TBC1D4: variants seen among roughly 807,000 people sequenced by gnomAD.
The protein encoded by TBC1D4 is TBC1 domain family member 4.
A neutral mutation model predicts 142.5 loss-of-function variants in TBC1D4; 121 were observed. The observed-to-expected ratio is 0.85, with a 90% CI of 0.73 to 0.99. TBC1D4 has a LOEUF of 0.99. Among genes scored for constraint, TBC1D4 ranks in the 50% least tolerant of loss-of-function variants. The pLI, the probability that TBC1D4 is intolerant of heterozygous loss-of-function variation, is 0.00. For synonymous variants in TBC1D4, 630 were observed against 628.2 expected, an observed-to-expected ratio of 1.00 and a Z score of -0.04; for missense variants, 1,475 against 1,606.6, an observed-to-expected ratio of 0.92 and a Z score of 1.40.
chr13:75,385,953 G>A (rs999708286), intron 1 of TBC1D4, among the ~76,000 whole-genome samples: 1 of 152,188 alleles, frequency 6.6e-6, no homozygotes, highest in Non-Finnish European at 1.5e-5. Flanking sequence ...CTGTGACAGT[G>A]TTTGCTTATG....
At chr13:75,381,749 G>A (rs901821132) in intron 1 of TBC1D4, among the ~76,000 whole-genome samples, 1 of 152,192 alleles carries the variant, frequency 6.6e-6, no homozygotes, top group African/African-American at 2.4e-5. Context: ...CCCTAAGTAT[G>A]CTAGGCGCTA....
At chr13:75,421,265 C>T (rs948315110) in intron 1 of TBC1D4, among the ~76,000 whole-genome samples, 1 of 152,118 alleles carries the variant, frequency 6.6e-6, no homozygotes, top group East Asian at 1.9e-4. Flanking sequence ...CCTTTGGCCA[C>T]GTACAATCTC....
chr13:75,424,497 A>G (rs1487393314), intron 1 of TBC1D4, among the ~76,000 whole-genome samples: 3 of 152,114 alleles, frequency 2.0e-5, no homozygotes, highest in Non-Finnish European at 4.4e-5. Context: ...CATTTTTCAC[A>G]GAAGTAAAAA....
rs1880657604 is a variant in TBC1D4 at position 75,341,124 on chromosome 13, C to T, written c.1611+1G>A. On this transcript the variant is annotated splice_donor_variant, in intron 7 of 20. Coordinates refer to ENST00000377636, the MANE Select transcript of TBC1D4 (RefSeq NM_014832.5). LOFTEE classifies it high-confidence loss of function. ...AGGTGAAGTAGGAAATATCTTCTCA[C>T]AGAAGGGCCTTCCCCGATGTGCACG... The T allele has an allele frequency of 1.2e-6, 2 of 1,612,732 alleles. No individual in the cohort carries two copies.
In TBC1D4 at chr13:75,298,562, C is replaced by T. The variant is rs571017773; in HGVS notation, c.3156+768G>A. On this transcript the variant is annotated intron_variant, in intron 17 of 20. Transcript: ENST00000377636. The stretch of plus-strand genomic sequence containing the variant: ...GGTCAGGAGTTCAACACCAGCCTGG[C>T]CAACATGGTGAAACCCCATCTCTAC... Among the ~76,000 whole-genome samples the T allele has an allele frequency of 2.0e-5, 3 of 152,228 alleles. No homozygotes were observed. The East Asian group carries it at 5.8e-4, about 29-fold the overall frequency.
chr13:75,480,877 G>GCACA (rs35548574), intron 1 of TBC1D4, among the ~76,000 whole-genome samples: 2,759 of 124,144 alleles, frequency 0.022, 50 homozygotes, highest in African/African-American at 0.043. Flanking sequence ...GCACACGCAC[G>GCACA]CACACACACA....
At position 75,362,203 on chromosome 13, in the gene TBC1D4, C is replaced by T; in HGVS notation, c.903G>A (p.Leu301=). The part of the protein sequence containing the change: ...SSRVCFPERI[L]EDSGFDEQQE... Reference sequence around the variant, plus strand: ...GCTGCTCATCAAAGCCAGAATCTTCCAAAATCCGCTCAGGGAAGCAGACCC... The same window carrying T: ...GCTGCTCATCAAAGCCAGAATCTTCTAAAATCCGCTCAGGGAAGCAGACCC... The change falls in exon 2 of 21, where the codon TTG becomes TTA. Residue 301 remains leucine, a synonymous_variant. Transcript: ENST00000377636. The surrounding 1 kb of genome is among the most constrained non-coding windows in gnomAD (Gnocchi z 4.2). 2 of 1,613,832 alleles carry T rather than the reference C, an allele frequency of 1.2e-6. No homozygotes were observed. The highest frequency in any genetic ancestry group is 8.5e-7 in the Non-Finnish European group (1 of 1,179,986).
At chr13:75,471,732 GT>G (rs1888408667) in intron 1 of TBC1D4, among the ~76,000 whole-genome samples, 1 of 50,868 alleles carries the variant, frequency 2.0e-5, no homozygotes, top group Admixed American at 2.8e-4. Flanking sequence ...CGGTGAGACT[GT>G]CTCAAAAAAA....
intron 1 of TBC1D4, among the ~76,000 whole-genome samples, chr13:75,457,048 T>G (rs139870428): frequency 2.3e-3 from 348 of 152,132 alleles, no homozygotes; most frequent in African/African-American, 8.0e-3. Flanking sequence ...TACTGTATGA[T>G]TCTATTTATA....
intron 11 of TBC1D4, among the ~76,000 whole-genome samples, chr13:75,322,692 C>T (rs1180117622): frequency 1.3e-5 from 2 of 152,148 alleles, no homozygotes; most frequent in African/African-American, 4.8e-5. Flanking sequence ...CTCACTTTAA[C>T]AAACATAACA....
chr13:75,420,364 A>C (rs1886112879), intron 1 of TBC1D4, among the ~76,000 whole-genome samples: 1 of 152,248 alleles, frequency 6.6e-6, no homozygotes, highest in Non-Finnish European at 1.5e-5. Context: ...TACAAAAAAA[A>C]AGTGAATGTA....
intron 12 of TBC1D4, among the ~76,000 whole-genome samples, chr13:75,319,785 G>A (rs1478359991): frequency 6.6e-6 from 1 of 152,142 alleles, no homozygotes; most frequent in Non-Finnish European, 1.5e-5. Flanking sequence ...TTTCAGCATG[G>A]AATAGAGTAG....
intron 4 of TBC1D4, among the ~76,000 whole-genome samples, chr13:75,351,079 A>T (rs1881548767): frequency 6.6e-6 from 1 of 152,208 alleles, no homozygotes; most frequent in Admixed American, 6.5e-5. Context: ...TAAATCAATC[A>T]TACACCAACA....
At chr13:75,340,642 C>T (rs1880606327) in intron 7 of TBC1D4, among the ~76,000 whole-genome samples, 1 of 152,112 alleles carries the variant, frequency 6.6e-6, no homozygotes, top group Non-Finnish European at 1.5e-5. Flanking sequence ...TGTGTCAGTG[C>T]CTGCTCAAAT....
intron 1 of TBC1D4, among the ~76,000 whole-genome samples, chr13:75,429,004 C>T (rs1886488129): frequency 6.6e-6 from 1 of 152,148 alleles, no homozygotes; most frequent in South Asian, 2.1e-4. Context: ...CTGCCTTTGC[C>T]GAATCACCTG....
chr13:75,421,319 A>C (rs939084440), intron 1 of TBC1D4, among the ~76,000 whole-genome samples: 1 of 152,090 alleles, frequency 6.6e-6, no homozygotes, highest in African/African-American at 2.4e-5. Flanking sequence ...AGCCTCTCCT[A>C]TCCCATTTAC....
chr13:75,404,051 G>GGATAT (rs1555317234), intron 1 of TBC1D4, among the ~76,000 whole-genome samples: 2 of 148,900 alleles, frequency 1.3e-5, no homozygotes, highest in African/African-American at 5.0e-5. Flanking sequence ...TTGTAGGGGG[G>GGATAT]ATATATATAC....
At chr13:75,293,887 A>T (rs1341410708) in intron 18 of TBC1D4, among the ~76,000 whole-genome samples, 1 of 152,134 alleles carries the variant, frequency 6.6e-6, no homozygotes, top group Non-Finnish European at 1.5e-5. Flanking sequence ...ATGCTGTTTC[A>T]TTTTTTCAAA....
intron 1 of TBC1D4, among the ~76,000 whole-genome samples, chr13:75,453,767 T>C (rs1446332155): frequency 2.6e-5 from 4 of 151,630 alleles, no homozygotes; most frequent in East Asian, 1.9e-4. Context: ...GAGGCTGAGA[T>C]GGCAGAATCT....
Sources: gnomAD v4.1 joint callset for allele counts (sites outside exome capture counted in the v4.1 genomes callset) on GRCh38, gnomAD v4.1.1 for gene constraint, Gnocchi (gnomAD v3.1) non-coding constraint, MANE v1.5 for transcripts, NCBI Gene and HGNC (gene_info 2026-07-23, HGNC 2026-07-21) for gene names.